Variants in ASAP2 observed in about 807,000 individuals in gnomAD.
ASAP2 encodes the protein ArfGAP with SH3 domain, ankyrin repeat and PH domain 2, also known as arf-GAP with SH3 domain, ANK repeat and PH domain-containing protein 2.
In ASAP2, 45 loss-of-function variants were observed where a neutral mutation model predicts 131.4. The observed-to-expected ratio is 0.34, with a 90% confidence interval of 0.27 to 0.44. ASAP2 has a LOEUF of 0.44. ASAP2 is among the 20% of genes least tolerant of loss of function. ASAP2 has a pLI of 1.00. For synonymous variants in ASAP2, 510 were observed against 503.0 expected (o/e 1.01, Z -0.19); for missense variants, 1,011 against 1,297.0 (o/e 0.78, Z 3.39).
At chr2:9,356,138 T>C in intron 13 of ASAP2, 41 bp from the exon 14 acceptor site, 2 of 1,614,180 alleles carry the variant, frequency 1.2e-6, no homozygotes, top group Non-Finnish European at 1.7e-6. Context: ...ACTCAGCCGT[T>C]GTTTGTGGAA....
At position 9,247,126 on chromosome 2, in the gene ASAP2, G is replaced by A. The variant is rs557210636; in HGVS notation, c.127-32191G>A. Among the ~76,000 whole-genome samples the A allele has an allele frequency of 2.0e-5, 3 of 152,334 alleles. No homozygotes were observed. In the East Asian group the frequency reaches 5.8e-4, roughly 29 times the overall value. On this transcript the variant is annotated intron_variant, in intron 1 of 27. Transcript: ENST00000281419. ...GCTGGGATTATAGGTGTGAGCCACT[G>A]TGGCCAGCCTGTCCAGTAATATTTT...
chr2:9,245,299 C>A (rs114304607), intron 1 of ASAP2, among the ~76,000 whole-genome samples: 2 of 152,026 alleles, frequency 1.3e-5, no homozygotes, highest in Non-Finnish European at 2.9e-5. Context: ...GTGTTGCTGC[C>A]GTGGCTGTTG....
rs553174928 is a variant in ASAP2, at chr2:9,329,271, A to G, written c.686+1360A>G. Among the ~76,000 whole-genome samples the G allele has an allele frequency of 2.6e-5, 4 of 152,346 alleles. No individual in the cohort carries two copies. In the East Asian group the frequency reaches 5.8e-4, roughly 22 times the overall value. On this transcript the variant is annotated intron_variant, in intron 7 of 27. Transcript: ENST00000281419. ...TGTGGATGGCCCCAGACATCTTGCA[A>G]AAGTTTTTAGATTTTATCCCAAATA...
chr2:9,277,648 C>T (rs1666841969), intron 1 of ASAP2, among the ~76,000 whole-genome samples: 1 of 152,168 alleles, frequency 6.6e-6, no homozygotes, highest in Admixed American at 6.5e-5. Context: ...TAGCCTCCTC[C>T]TTTGTTAACA....
intron 1 of ASAP2, among the ~76,000 whole-genome samples, chr2:9,233,709 T>C (rs555852764): frequency 9.7e-4 from 148 of 152,358 alleles, no homozygotes; most frequent in African/African-American, 3.5e-3. Flanking sequence ...CAAACACTTA[T>C]ATTGCACTTA....
intron 16 of ASAP2, 32 bp downstream of exon 16, chr2:9,368,551 G>A (rs749256636): frequency 1.3e-6 from 2 of 1,598,432 alleles, no homozygotes; most frequent in African/African-American, 1.3e-5. Context: ...CTCATTTGCT[G>A]AGTAAAGGTT....
chr2:9,343,619 G>A (rs2148600598), intron 9 of ASAP2, among the ~76,000 whole-genome samples: 1 of 152,216 alleles, frequency 6.6e-6, no homozygotes, highest in African/African-American at 2.4e-5. Context: ...GCTAATTTTT[G>A]TATTTTTTGT....
intron 1 of ASAP2, among the ~76,000 whole-genome samples, chr2:9,253,663 G>C (rs994675660): frequency 2.0e-5 from 3 of 152,146 alleles, no homozygotes; most frequent in Non-Finnish European, 4.4e-5. Flanking sequence ...TGGAATGATA[G>C]GGTATGTAAC....
In ASAP2 at chr2:9,391,200, C is replaced by G. The variant is rs368865655; in HGVS notation, c.2518+4C>G. On this transcript the variant is annotated splice_donor_region_variant and intron_variant, in intron 23 of 27. Coordinates refer to ENST00000281419, the MANE Select transcript of ASAP2 (RefSeq NM_003887.3). ...CCTCTTCGCGTGACATCTACCAGTA[C>G]GTTTTTTTCCTTTTTCCTTTCTTGC... The G allele has an allele frequency of 1.2e-6, 2 of 1,609,136 alleles. No homozygotes were observed. Among genetic ancestry groups the G allele is most frequent in the Admixed American group, 1.7e-5 (1 of 59,332 alleles).
chr2:9,365,890 G>A (rs62118798), intron 15 of ASAP2, among the ~76,000 whole-genome samples: 25,902 of 152,132 alleles, frequency 0.17, 2,529 homozygotes, highest in Admixed American at 0.25. Flanking sequence ...AAGGGCGACG[G>A]ACTGGGCTGA....
At chr2:9,297,802 TAATA>T (rs1488876130) in intron 3 of ASAP2, among the ~76,000 whole-genome samples, 2 of 152,194 alleles carry the variant, frequency 1.3e-5, no homozygotes, top group African/African-American at 2.4e-5. Context: ...TTATAATATT[TAATA>T]AATATGTTTC....
At chr2:9,255,728 TGC>T (rs1665106698) in intron 1 of ASAP2, among the ~76,000 whole-genome samples, 2 of 152,254 alleles carry the variant, frequency 1.3e-5, no homozygotes, top group Non-Finnish European at 2.9e-5. Flanking sequence ...TTCAGGGGTC[TGC>T]TTGACCTGTA....
intron 1 of ASAP2, among the ~76,000 whole-genome samples, chr2:9,277,932 G>A (rs899482739): frequency 3.3e-5 from 5 of 152,176 alleles, no homozygotes; most frequent in Admixed American, 6.5e-5. Context: ...TAGAACCAGG[G>A]CTTACGATTC....
intron 1 of ASAP2, among the ~76,000 whole-genome samples, chr2:9,245,047 T>C (rs774772456): frequency 1.3e-5 from 2 of 152,238 alleles, no homozygotes; most frequent in African/African-American, 4.8e-5. Flanking sequence ...GGCCTAGGTT[T>C]GGTTGTGAAC....
At chr2:9,221,521 C>A (rs1384018170) in intron 1 of ASAP2, among the ~76,000 whole-genome samples, 1 of 151,888 alleles carries the variant, frequency 6.6e-6, no homozygotes, top group Non-Finnish European at 1.5e-5. Flanking sequence ...TCTTACACTT[C>A]TTCTGTTAAA....
At chr2:9,348,112 TTGTC>T (rs541416438) in intron 11 of ASAP2, among the ~76,000 whole-genome samples, 1,952 of 40,128 alleles carry the variant, frequency 0.049, 35 homozygotes, top group African/African-American at 0.078. Context: ...TGACACTTTT[TTGTC>T]TGTTTGTTTG....
intron 12 of ASAP2, among the ~76,000 whole-genome samples, chr2:9,351,631 G>A (rs1319900138): frequency 1.3e-5 from 2 of 152,228 alleles, no homozygotes; most frequent in Admixed American, 1.3e-4. Flanking sequence ...ACGCCGGACT[G>A]TGTACTGTAG....
intron 22 of ASAP2, 108 bp from the exon 23 acceptor site, chr2:9,390,954 G>T (rs549903191): frequency 6.4e-7 from 1 of 1,553,124 alleles, no homozygotes; most frequent in African/African-American, 1.4e-5. Flanking sequence ...CATACTGACC[G>T]TTTCATAAGG....
intron 16 of ASAP2, among the ~76,000 whole-genome samples, chr2:9,373,544 A>C (rs1031767821): frequency 6.6e-6 from 1 of 152,224 alleles, no homozygotes; most frequent in Non-Finnish European, 1.5e-5. Flanking sequence ...TGGCATGTCC[A>C]GGGAGCTCAG....
Sources: allele counts gnomAD v4.1 joint callset (sites outside exome capture counted in the v4.1 genomes callset), GRCh38; gene constraint gnomAD v4.1.1; transcripts MANE v1.5; gene names NCBI Gene and HGNC (gene_info 2026-07-23, HGNC 2026-07-21).